The following KIF6 variants were observed in gnomAD, a reference collection of about 807,000 sequenced individuals.
KIF6 encodes kinesin-like protein KIF6.
A neutral mutation model predicts 112.7 loss-of-function variants in KIF6; 106 were observed. The observed-to-expected ratio is 0.94, with a 90% CI of 0.80 to 1.11. The LOEUF (loss-of-function observed/expected upper bound fraction) is 1.11. Among genes scored for constraint, KIF6 ranks in the 50% least tolerant of loss-of-function variants. The pLI is 0.00. For synonymous variants in KIF6, 339 were observed against 339.9 expected, an observed-to-expected ratio of 1.00 and a Z score of 0.03; for missense variants, 929 against 964.0, an observed-to-expected ratio of 0.96 and a Z score of 0.48.
intron 16 of KIF6, among the ~76,000 whole-genome samples, chr6:39,368,042 T>C (rs1373716780): frequency 2.6e-5 from 4 of 152,216 alleles, no homozygotes; most frequent in Non-Finnish European, 5.9e-5. Flanking sequence ...CAGAAGTTAC[T>C]GAGAATACAG....
chr6:39,479,256 CTG>C (rs1420494142), intron 13 of KIF6, among the ~76,000 whole-genome samples: 1 of 152,150 alleles, frequency 6.6e-6, no homozygotes, highest in African/African-American at 2.4e-5. Context: ...AGTCCTTGAT[CTG>C]TCTTGAGCTG....
intron 2 of KIF6, among the ~76,000 whole-genome samples, chr6:39,717,998 G>A (rs909169234): frequency 1.6e-4 from 24 of 151,700 alleles, no homozygotes; most frequent in African/African-American, 5.1e-4. Context: ...AGGCCGAGGC[G>A]GGCAGATCAC....
At chr6:39,456,640 G>C (rs924592221) in intron 13 of KIF6, among the ~76,000 whole-genome samples, 2 of 119,484 alleles carry the variant, frequency 1.7e-5, no homozygotes, top group Non-Finnish European at 3.3e-5. Context: ...CACGTGCAGA[G>C]ACACACATAG....
In KIF6 at chr6:39,578,079, T is replaced by A; in HGVS notation, c.1158A>T (p.Ala386=). Residue 386 remains alanine (A), a synonymous_variant, in exon 10 of 23, where the codon GCA becomes GCT. Coordinates refer to ENST00000287152, the MANE Select transcript of KIF6 (RefSeq NM_145027.6). The part of the protein sequence containing the change: ...AMVTGEQRTE[A]LTEAELLQLE... ...ACTGAAGGAGCTCTGCTTCTGTGAG[T>A]GCCTCTGTCCTCTGCTCCCCAGTGA... 1 of 1,613,710 alleles carries A rather than the reference T, an allele frequency of 6.2e-7. No individual in the cohort carries two copies. Among genetic ancestry groups the A allele is most frequent in the South Asian group, 1.1e-5 (1 of 91,048 alleles).
intron 6 of KIF6, among the ~76,000 whole-genome samples, chr6:39,597,456 G>A (rs975811471): frequency 8.5e-5 from 13 of 152,190 alleles, no homozygotes; most frequent in African/African-American, 1.2e-4. Flanking sequence ...AGGTCAGTGA[G>A]ACATGCTGTG....
chr6:39,496,049 T>A (rs1026362584), intron 13 of KIF6, among the ~76,000 whole-genome samples: 2 of 152,212 alleles, frequency 1.3e-5, no homozygotes, highest in South Asian at 4.1e-4. Context: ...ATCCCAATCA[T>A]TTCTTCAATT....
chr6:39,471,842 A>C (rs1172481452), intron 13 of KIF6, among the ~76,000 whole-genome samples: 1 of 152,228 alleles, frequency 6.6e-6, no homozygotes. Flanking sequence ...ATGAATAAAC[A>C]TCAAGGAAAC....
chr6:39,719,887 G>A (rs1790101549), intron 2 of KIF6, among the ~76,000 whole-genome samples: 1 of 152,116 alleles, frequency 6.6e-6, no homozygotes, highest in Non-Finnish European at 1.5e-5. Context: ...GGAGGCTAAG[G>A]TGGGAGGATC....
At position 39,540,168 on chromosome 6, in the gene KIF6, G is replaced by C; in HGVS notation, c.1480C>G (p.His494Asp). 3 of 1,614,092 alleles carry C rather than the reference G, an allele frequency of 1.9e-6. No homozygotes were observed. The highest frequency in any genetic ancestry group is 2.5e-6 in the Non-Finnish European group (3 of 1,179,996). ...KEKKKAQEAL[H>D]LAGMDRREFR... The stretch of plus-strand genomic sequence containing the variant: ...TCACGTCTATCCATGCCAGCCAAGT[G>C]GAGAGCCTCCTGAGCTTTCTTCTTT... The change falls in exon 13 of 23, where the codon CAC becomes GAC. Residue 494 changes from histidine to aspartate, a missense_variant. Transcript: ENST00000287152.
At chr6:39,595,271 C>T (rs1782191552) in intron 7 of KIF6, among the ~76,000 whole-genome samples, 1 of 152,176 alleles carries the variant, frequency 6.6e-6, no homozygotes, top group African/African-American at 2.4e-5. Context: ...ACACCAACTA[C>T]TAAATTTTAC....
At chr6:39,692,327 C>G (rs1383734362) in intron 3 of KIF6, among the ~76,000 whole-genome samples, 1 of 152,184 alleles carries the variant, frequency 6.6e-6, no homozygotes, top group Non-Finnish European at 1.5e-5. Context: ...TTTGGTAGAG[C>G]AAGAAACCAA....
At chr6:39,439,238 T>C (rs1176598982) in intron 13 of KIF6, among the ~76,000 whole-genome samples, 3 of 152,192 alleles carry the variant, frequency 2.0e-5, no homozygotes, top group Admixed American at 2.0e-4. Flanking sequence ...AAGACATACA[T>C]TTTATCTTCT....
chr6:39,666,780 C>T (rs1274177127), intron 3 of KIF6, among the ~76,000 whole-genome samples: 3 of 152,144 alleles, frequency 2.0e-5, no homozygotes, highest in African/African-American at 4.8e-5. Flanking sequence ...TTGCATTTTT[C>T]GCCTGTGTTT....
intron 22 of KIF6, among the ~76,000 whole-genome samples, chr6:39,337,232 TTTC>T (rs1763071344): frequency 8.7e-6 from 1 of 114,470 alleles, no homozygotes; most frequent in Admixed American, 8.6e-5. Flanking sequence ...TCTTTCTTTC[TTTC>T]TTTTTCTTTC....
chr6:39,590,912 A>G (rs1337140002), intron 7 of KIF6, among the ~76,000 whole-genome samples: 1 of 152,224 alleles, frequency 6.6e-6, no homozygotes, highest in Non-Finnish European at 1.5e-5. Flanking sequence ...GATTAATGCT[A>G]CTATCAAGGA....
At chr6:39,488,554 T>C (rs1475236717) in intron 13 of KIF6, among the ~76,000 whole-genome samples, 4 of 152,216 alleles carry the variant, frequency 2.6e-5, no homozygotes, top group African/African-American at 9.6e-5. Flanking sequence ...ACTGACTGTA[T>C]TGGTCTTGCT....
intron 15 of KIF6, among the ~76,000 whole-genome samples, chr6:39,393,444 G>A (rs1768033283): frequency 6.6e-6 from 1 of 152,200 alleles, no homozygotes; most frequent in African/African-American, 2.4e-5. Context: ...CATGTGTCAA[G>A]TGCTTAAGGA....
At chr6:39,558,225 C>T (rs752628810) in intron 10 of KIF6, among the ~76,000 whole-genome samples, 8 of 152,082 alleles carry the variant, frequency 5.3e-5, no homozygotes, top group Non-Finnish European at 8.8e-5. Flanking sequence ...TGCTTCCAGA[C>T]GGGTTTGATT....
chr6:39,586,037 C>T (rs1582202469), intron 8 of KIF6, among the ~76,000 whole-genome samples: 2 of 152,198 alleles, frequency 1.3e-5, no homozygotes, highest in Non-Finnish European at 2.9e-5. Context: ...TCAAACTATC[C>T]TGTGCTATGT....
Sources: allele counts gnomAD v4.1 joint callset (sites outside exome capture counted in the v4.1 genomes callset), GRCh38; gene constraint gnomAD v4.1.1; transcripts MANE v1.5; gene names NCBI Gene and HGNC (gene_info 2026-07-23, HGNC 2026-07-21).